PRKD1: variants seen among roughly 807,000 people sequenced by gnomAD.
PRKD1 encodes the protein protein kinase D1, also known as serine/threonine-protein kinase D1.
Under a neutral mutation model 95.9 loss-of-function variants are expected in PRKD1, and 63 were observed. The observed-to-expected ratio is 0.66, with a 90% CI of 0.54 to 0.81. The LOEUF is 0.81. Among genes scored for constraint, PRKD1 ranks in the 30% least tolerant of loss-of-function variants. The probability of loss-of-function intolerance (pLI) is 0.00; values close to 1 mark genes in which losing one functional copy is unlikely to be tolerated. For missense variants in PRKD1, 1,048 were observed against 1,165.3 expected (o/e 0.90, Z 1.47); for synonymous variants, 425 against 423.1 (o/e 1.00, Z -0.05).
chr14:29,622,338 G>A (rs981212906), intron 13 of PRKD1, among the ~76,000 whole-genome samples: 1 of 151,068 alleles, frequency 6.6e-6, no homozygotes, highest in South Asian at 2.1e-4. Context: ...GGAATAGGGA[G>A]GTAGTTTATA....
At chr14:29,761,780 CTTTT>C (rs751775466) in intron 1 of PRKD1, among the ~76,000 whole-genome samples, 26 of 135,144 alleles carry the variant, frequency 1.9e-4, no homozygotes, top group East Asian at 1.9e-3. Context: ...GATGTTCTTT[CTTTT>C]TTTTTTTTTT....
chr14:29,693,628 A>C (rs1333009687), intron 2 of PRKD1, among the ~76,000 whole-genome samples: 3 of 92,898 alleles, frequency 3.2e-5, no homozygotes, highest in African/African-American at 6.2e-5. Flanking sequence ...GACCTCAGTC[A>C]AAAAAAAAAA....
chr14:29,665,898 T>C (rs994602569), intron 3 of PRKD1, among the ~76,000 whole-genome samples, 179 bp downstream of exon 3: 9 of 151,960 alleles, frequency 5.9e-5, no homozygotes, highest in African/African-American at 2.2e-4. Context: ...ATGAAGAAAA[T>C]GTATATATAC....
chr14:29,630,056 G>T (rs2993375), intron 10 of PRKD1, among the ~76,000 whole-genome samples: 147,678 of 148,022 alleles, frequency 1, 73,667 homozygotes, highest in Admixed American at 1. Flanking sequence ...TTTTCTTCTT[G>T]CTCTTTCTCT....
intron 1 of PRKD1, among the ~76,000 whole-genome samples, chr14:29,757,651 T>C (rs1422985842): frequency 1.3e-5 from 2 of 150,718 alleles, no homozygotes; most frequent in Non-Finnish European, 3.0e-5. Flanking sequence ...ATTAATTGGT[T>C]TTTAAAAATA....
chr14:29,822,409 GTCTT>G (rs1203249027), intron 1 of PRKD1, among the ~76,000 whole-genome samples: 2 of 152,096 alleles, frequency 1.3e-5, no homozygotes, highest in Non-Finnish European at 2.9e-5. Flanking sequence ...TTCACTTTAT[GTCTT>G]TCTAATTCAG....
chr14:29,630,237 T>C (rs1879907358), intron 10 of PRKD1, among the ~76,000 whole-genome samples: 1 of 152,078 alleles, frequency 6.6e-6, no homozygotes, highest in Admixed American at 6.6e-5. Context: ...CTTCCTGAGC[T>C]CAAGCAATTC....
chr14:29,880,196 C>T (rs1893451037), intron 1 of PRKD1, among the ~76,000 whole-genome samples: 1 of 152,272 alleles, frequency 6.6e-6, no homozygotes, highest in East Asian at 1.9e-4. Flanking sequence ...CCCAGGGGCC[C>T]AGGAGGAAAC....
intron 1 of PRKD1, among the ~76,000 whole-genome samples, chr14:29,800,203 G>A (rs1336771862): frequency 6.6e-6 from 1 of 152,126 alleles, no homozygotes; most frequent in African/African-American, 2.4e-5. Context: ...TTTCTCCCAG[G>A]AGAAATGGTT....
chr14:29,667,568 G>A (rs1309777784), intron 2 of PRKD1, among the ~76,000 whole-genome samples: 1 of 152,034 alleles, frequency 6.6e-6, no homozygotes. Context: ...TTGGTGGTTT[G>A]GTCAAAATGT....
At position 29,702,573 on chromosome 14, in the gene PRKD1, A is replaced by C. The variant is rs903348286; in HGVS notation, c.403+22963T>G. ...ATATTGTTTTCTTTTTTAATCTATT[A>C]ATGTAAGAATTTTGCAATAATACAT... On this transcript the variant is annotated intron_variant, in intron 2 of 17. Transcript: ENST00000331968. Among the ~76,000 whole-genome samples, 5 of 152,014 alleles carry C rather than the reference A, an allele frequency of 3.3e-5. No individual in the cohort carries two copies. In the East Asian group the frequency reaches 9.6e-4, roughly 29 times the overall value.
intron 1 of PRKD1, among the ~76,000 whole-genome samples, chr14:29,883,310 A>G (rs1192096909): frequency 1.3e-5 from 2 of 152,184 alleles, no homozygotes; most frequent in Non-Finnish European, 2.9e-5. Context: ...GGGGACAAAT[A>G]TCCAAACTAT....
intron 2 of PRKD1, among the ~76,000 whole-genome samples, chr14:29,707,887 T>A (rs1885165683): frequency 6.6e-6 from 1 of 152,148 alleles, no homozygotes; most frequent in Non-Finnish European, 1.5e-5. Context: ...GGGATACATC[T>A]TTCAGGCTAA....
chr14:29,669,095 C>A (rs1882692833), intron 2 of PRKD1, among the ~76,000 whole-genome samples: 1 of 152,116 alleles, frequency 6.6e-6, no homozygotes, highest in Non-Finnish European at 1.5e-5. Flanking sequence ...CAATTAAATA[C>A]ATATAACACA....
intron 2 of PRKD1, among the ~76,000 whole-genome samples, chr14:29,670,203 G>T (rs1173634850): frequency 6.6e-6 from 1 of 152,046 alleles, no homozygotes; most frequent in Non-Finnish European, 1.5e-5. Context: ...AACCTCCTAG[G>T]TAATATAGTA....
At chr14:29,631,987 G>T (rs1192996932) in intron 9 of PRKD1, among the ~76,000 whole-genome samples, 1 of 151,700 alleles carries the variant, frequency 6.6e-6, no homozygotes, top group Non-Finnish European at 1.5e-5. Flanking sequence ...TTTTTGTAAA[G>T]ACAAGGTTTC....
chr14:29,834,144 T>A (rs758562150), intron 1 of PRKD1, among the ~76,000 whole-genome samples: 10 of 152,280 alleles, frequency 6.6e-5, no homozygotes, highest in South Asian at 4.1e-4. Context: ...ACAAATTTTT[T>A]AAGTAGGGTT....
intron 16 of PRKD1, among the ~76,000 whole-genome samples, chr14:29,589,028 G>A (rs1174960912): frequency 2.0e-5 from 3 of 151,970 alleles, no homozygotes; most frequent in Admixed American, 6.6e-5. Context: ...GACAATTTCC[G>A]AGGCTGCCTC....
chr14:29,639,757 G>T (rs1327068868), intron 4 of PRKD1, among the ~76,000 whole-genome samples: 1 of 151,996 alleles, frequency 6.6e-6, no homozygotes, highest in African/African-American at 2.4e-5. Context: ...TACAATAAAA[G>T]ATTTGTATTA....
Sources: allele counts gnomAD v4.1 joint callset (sites outside exome capture counted in the v4.1 genomes callset), GRCh38; gene constraint gnomAD v4.1.1; transcripts MANE v1.5; gene names NCBI Gene and HGNC (gene_info 2026-07-23, HGNC 2026-07-21).